The following LPAR1 variants were observed in gnomAD, a reference collection of about 807,000 sequenced individuals.
LPAR1 encodes LPA receptor 1.
LPAR1 carries 5 observed loss-of-function variants against 23.8 expected under a neutral mutation model. The ratio of observed to expected loss-of-function variants is 0.21; its 90% CI spans 0.11 to 0.44. The LOEUF is 0.44. Ranked by LOEUF, LPAR1 falls within the 20% of genes least tolerant of loss-of-function variation. LPAR1 has a pLI of 0.99. For synonymous variants in LPAR1, 160 were observed against 164.7 expected, an observed-to-expected ratio of 0.97 and a Z score of 0.22; for missense variants, 311 against 482.8, an observed-to-expected ratio of 0.64 and a Z score of 3.33.
intron 4 of LPAR1, among the ~76,000 whole-genome samples, chr9:110,951,825 C>G (rs2095579185): frequency 6.6e-6 from 1 of 152,046 alleles, no homozygotes; most frequent in South Asian, 2.1e-4. Flanking sequence ...AATTGCCACT[C>G]TTTTAAAATA....
chr9:110,909,730 T>C (rs949778837), intron 5 of LPAR1, among the ~76,000 whole-genome samples: 1 of 47,908 alleles, frequency 2.1e-5, no homozygotes, highest in Non-Finnish European at 3.5e-5. Context: ...TTAAATAAAG[T>C]ATTTATTTAT....
At chr9:110,937,402 C>T (rs998134994) in intron 5 of LPAR1, among the ~76,000 whole-genome samples, 4 of 152,176 alleles carry the variant, frequency 2.6e-5, no homozygotes, top group Non-Finnish European at 5.9e-5. Flanking sequence ...AGTGCCCAAC[C>T]TTGAATCCCA....
intron 5 of LPAR1, among the ~76,000 whole-genome samples, chr9:110,884,434 G>A (rs894610148): frequency 1.2e-4 from 19 of 152,060 alleles, no homozygotes; most frequent in Admixed American, 1.3e-4. Flanking sequence ...TGTGATTATT[G>A]TTTACTTCTG....
chr9:111,026,854 G>A (rs2097701209), intron 2 of LPAR1, among the ~76,000 whole-genome samples: 7 of 152,200 alleles, frequency 4.6e-5, no homozygotes, highest in South Asian at 2.1e-4. Flanking sequence ...CACCGAACCT[G>A]CTTTGCATCC....
intron 5 of LPAR1, among the ~76,000 whole-genome samples, chr9:110,936,708 CA>C (rs2094730231): frequency 2.0e-5 from 3 of 152,090 alleles, no homozygotes; most frequent in Admixed American, 2.0e-4. Flanking sequence ...TCTTCTTCCC[CA>C]AAGAGGTAAG....
At chr9:110,974,030 G>A (rs931265051) in intron 2 of LPAR1, among the ~76,000 whole-genome samples, 1 of 151,972 alleles carries the variant, frequency 6.6e-6, no homozygotes, top group Non-Finnish European at 1.5e-5. Context: ...AATTAGCTGG[G>A]CGTGGTGGCA....
At chr9:111,033,800 G>A (rs1042037872) in intron 2 of LPAR1, among the ~76,000 whole-genome samples, 7 of 152,078 alleles carry the variant, frequency 4.6e-5, no homozygotes, top group African/African-American at 7.2e-5. Context: ...TGATCCACCC[G>A]CCTCAGCCTC....
chr9:110,904,429 A>G (rs1244694482), intron 5 of LPAR1, among the ~76,000 whole-genome samples: 2 of 152,198 alleles, frequency 1.3e-5, no homozygotes, highest in Admixed American at 1.3e-4. Flanking sequence ...AGACTGTGAT[A>G]AGTCACATGT....
At chr9:110,991,192 A>G (rs1223604433) in intron 2 of LPAR1, among the ~76,000 whole-genome samples, 1 of 152,220 alleles carries the variant, frequency 6.6e-6, no homozygotes, top group African/African-American at 2.4e-5. Flanking sequence ...TAGATAAGAT[A>G]CCTGTGAGCC....
chr9:110,990,428 A>C (rs1420375632), intron 2 of LPAR1, among the ~76,000 whole-genome samples: 1 of 152,160 alleles, frequency 6.6e-6, no homozygotes. Flanking sequence ...TATCAATAAC[A>C]GAATGATCTC....
chr9:111,032,007 T>C (rs1588957633), intron 2 of LPAR1, among the ~76,000 whole-genome samples: 1 of 152,196 alleles, frequency 6.6e-6, no homozygotes, highest in East Asian at 1.9e-4. Context: ...GCAAGCTCCA[T>C]GAGAGAAGGG....
chr9:110,895,750 G>A (rs1411864068), intron 5 of LPAR1, among the ~76,000 whole-genome samples: 1 of 152,088 alleles, frequency 6.6e-6, no homozygotes, highest in African/African-American at 2.4e-5. Flanking sequence ...TGGGCAGCTG[G>A]GCAAAGGCCA....
intron 5 of LPAR1, among the ~76,000 whole-genome samples, chr9:110,918,105 G>A (rs1214830110): frequency 2.0e-4 from 31 of 151,948 alleles, no homozygotes; most frequent in Non-Finnish European, 1.5e-5. Context: ...TTTTTTTGTA[G>A]AGATGGGGTT....
intron 4 of LPAR1, among the ~76,000 whole-genome samples, chr9:110,943,198 T>A (rs1035628362): frequency 6.7e-6 from 1 of 150,050 alleles, no homozygotes; most frequent in African/African-American, 2.4e-5. Flanking sequence ...AAAGTATACA[T>A]CACATAGAGT....
intron 4 of LPAR1, among the ~76,000 whole-genome samples, chr9:110,942,702 T>G (rs2095191733): frequency 6.6e-6 from 1 of 152,222 alleles, no homozygotes; most frequent in African/African-American, 2.4e-5. Context: ...CAAGTCACTG[T>G]GCATCAAAGG....
chr9:111,032,364 G>A (rs1036162218), intron 2 of LPAR1, among the ~76,000 whole-genome samples: 3 of 152,070 alleles, frequency 2.0e-5, no homozygotes, highest in African/African-American at 7.2e-5. Flanking sequence ...GCCCCCGCTT[G>A]GTGCTCCCGC....
chr9:110,996,169 G>A (rs554167313), intron 2 of LPAR1, among the ~76,000 whole-genome samples: 53 of 152,228 alleles, frequency 3.5e-4, no homozygotes, highest in African/African-American at 1.1e-3. Flanking sequence ...CAAATATGTA[G>A]AGAATGGAGA....
chr9:111,018,441 G>T (rs551177031), intron 2 of LPAR1, among the ~76,000 whole-genome samples: 2 of 152,336 alleles, frequency 1.3e-5, no homozygotes, highest in East Asian at 3.9e-4. Context: ...GGCTTGCAAA[G>T]ATATTTACTG....
chr9:110,901,456 G>A (rs1052108929), intron 5 of LPAR1, among the ~76,000 whole-genome samples: 1 of 152,170 alleles, frequency 6.6e-6, no homozygotes, highest in Non-Finnish European at 1.5e-5. Flanking sequence ...AGGTTTAATG[G>A]ACTCACAGTT....
Sources: allele counts gnomAD v4.1 joint callset (sites outside exome capture counted in the v4.1 genomes callset), GRCh38; gene constraint gnomAD v4.1.1; transcripts MANE v1.5; gene names NCBI Gene and HGNC (gene_info 2026-07-23, HGNC 2026-07-21).